SPIDR: variants seen among roughly 807,000 people sequenced by gnomAD.
SPIDR encodes the protein scaffold protein involved in DNA repair.
Under a neutral mutation model 104.6 loss-of-function variants are expected in SPIDR, and 93 were observed. The ratio of observed to expected loss-of-function variants is 0.89; its 90% CI spans 0.75 to 1.06. SPIDR has a LOEUF of 1.06. Among genes scored for constraint, SPIDR ranks in the 50% least tolerant of loss-of-function variants. The pLI, the probability that SPIDR is intolerant of heterozygous loss-of-function variation, is 0.00. For missense variants in SPIDR, 1,154 were observed against 1,111.2 expected (o/e 1.04, Z -0.55); for synonymous variants, 431 against 416.9 (o/e 1.03, Z -0.41).
chr8:47,530,135 A>G (rs967722090), intron 8 of SPIDR, among the ~76,000 whole-genome samples: 8 of 152,194 alleles, frequency 5.3e-5, no homozygotes, highest in Non-Finnish European at 1.0e-4. Context: ...AACTATACTG[A>G]ACACCATGGA....
In SPIDR at chr8:47,630,301, T is replaced by C. The variant is rs529290983; in HGVS notation, c.1544+31105T>C. ...CATGTAAAATATGATGAAAGCAATA[T>C]TTAATGTAAACGTTGAAAAGAGCAG... On this transcript the variant is annotated intron_variant, in intron 10 of 19. Transcript: ENST00000297423. 1.9e-4 allele frequency among the ~76,000 whole-genome samples: 29 copies of C among 152,288 alleles called. No individual in the cohort carries two copies. In the South Asian group the frequency reaches 6.0e-3, roughly 32 times the overall value.
rs200234212 is a variant in SPIDR, at chr8:47,326,387, AC to A, written c.525+32358del. ...TTGCTTTCAGCCTTGCCACGTACAT[AC>A]ACATCTTTAGCAACATCCAGTTTGT... On this transcript the variant is annotated intron_variant, in intron 5 of 19. Coordinates refer to ENST00000297423, the MANE Select transcript of SPIDR (RefSeq NM_001080394.4). Among the ~76,000 whole-genome samples the A allele has an allele frequency of 3.2e-4, 48 of 152,296 alleles. No homozygotes were observed. In the East Asian group the frequency reaches 6.6e-3, roughly 21 times the overall value.
In SPIDR at chr8:47,554,292, G is replaced by A. The variant is rs569910140; in HGVS notation, c.1098-41519G>A. Among the ~76,000 whole-genome samples, 20 of 152,308 alleles carry A rather than the reference G, an allele frequency of 1.3e-4. No homozygotes were observed. In the South Asian group the frequency reaches 2.9e-3, roughly 22 times the overall value. On this transcript the variant is annotated intron_variant, in intron 8 of 19. Coordinates refer to ENST00000297423, the MANE Select transcript of SPIDR (RefSeq NM_001080394.4). ...CTCTTCAAAGCTGTCAGACAGGTAC[G>A]TTTAAGTCTGCAGAAATTGGCTGCT...
intron 7 of SPIDR, among the ~76,000 whole-genome samples, chr8:47,426,470 T>G (rs2066437134): frequency 6.6e-6 from 1 of 152,212 alleles, no homozygotes; most frequent in Admixed American, 6.5e-5. Flanking sequence ...ACAAGTAGAT[T>G]ATCATCATTG....
At chr8:47,642,518 C>T (rs1441521315) in intron 10 of SPIDR, among the ~76,000 whole-genome samples, 1 of 152,148 alleles carries the variant, frequency 6.6e-6, no homozygotes, top group Non-Finnish European at 1.5e-5. Flanking sequence ...TCAAGACAGC[C>T]CGCTGACTTC....
At position 47,483,651 on chromosome 8, in the gene SPIDR, G is replaced by A. The variant is rs547752847; in HGVS notation, c.1097+43109G>A. On this transcript the variant is annotated intron_variant, in intron 8 of 19. Coordinates refer to ENST00000297423, the MANE Select transcript of SPIDR (RefSeq NM_001080394.4). The stretch of plus-strand genomic sequence containing the variant: ...GTATCATTCTCTTAACTCTGGGATA[G>A]GGATTCTGTGAAGGTTAATGTATGC... 2.6e-5 allele frequency among the ~76,000 whole-genome samples: 4 copies of A among 152,332 alleles called. No individual in the cohort carries two copies. In the South Asian group the frequency reaches 8.3e-4, roughly 32 times the overall value.
At chr8:47,680,871 GC>G (rs1383072723) in intron 11 of SPIDR, among the ~76,000 whole-genome samples, 2 of 152,214 alleles carry the variant, frequency 1.3e-5, no homozygotes, top group Non-Finnish European at 2.9e-5. Flanking sequence ...ACTTTGGGAG[GC>G]CGAGAGGCAG....
At chr8:47,517,520 C>A (rs916018399) in intron 8 of SPIDR, among the ~76,000 whole-genome samples, 3 of 152,026 alleles carry the variant, frequency 2.0e-5, no homozygotes, top group African/African-American at 7.3e-5. Context: ...TGGGCTTCTC[C>A]CTCATTAGCT....
intron 1 of SPIDR, among the ~76,000 whole-genome samples, chr8:47,264,498 G>A (rs2033425573): frequency 6.6e-6 from 1 of 152,036 alleles, no homozygotes; most frequent in Non-Finnish European, 1.5e-5. Context: ...AGTTTCTCCT[G>A]CCCTAGCCCC....
At chr8:47,683,520 T>C (rs1175609674) in intron 11 of SPIDR, among the ~76,000 whole-genome samples, 1 of 152,210 alleles carries the variant, frequency 6.6e-6, no homozygotes, top group Non-Finnish European at 1.5e-5. Flanking sequence ...CATAAACTTA[T>C]TTTCCCAGTA....
intron 1 of SPIDR, among the ~76,000 whole-genome samples, chr8:47,264,693 G>A (rs776984155): frequency 6.5e-4 from 99 of 151,284 alleles, no homozygotes; most frequent in Non-Finnish European, 1.2e-3. Context: ...GCAGTGGCCC[G>A]ATCTCGGCTC....
At chr8:47,537,688 A>G (rs1355499925) in intron 8 of SPIDR, among the ~76,000 whole-genome samples, 2 of 152,182 alleles carry the variant, frequency 1.3e-5, no homozygotes, top group African/African-American at 4.8e-5. Context: ...AGTGAACCCA[A>G]TGTAAACTAT....
At chr8:47,367,499 T>C (rs2057377667) in intron 5 of SPIDR, among the ~76,000 whole-genome samples, 1 of 152,226 alleles carries the variant, frequency 6.6e-6, no homozygotes, top group African/African-American at 2.4e-5. Context: ...CCACTAAGTT[T>C]GCGGTAATTT....
intron 15 of SPIDR, chr8:47,713,256 C>T (rs2082122026): frequency 1.6e-6 from 1 of 619,744 alleles, no homozygotes. Context: ...TCATAATTCA[C>T]ATGCCACATA....
At chr8:47,296,502 C>T (rs1325084035) in intron 5 of SPIDR, among the ~76,000 whole-genome samples, 2 of 152,158 alleles carry the variant, frequency 1.3e-5, no homozygotes, top group Non-Finnish European at 2.9e-5. Context: ...GTTTTCCCAG[C>T]ACAATTTATT....
At chr8:47,536,714 G>T (rs1038074249) in intron 8 of SPIDR, among the ~76,000 whole-genome samples, 3 of 152,230 alleles carry the variant, frequency 2.0e-5, no homozygotes, top group Non-Finnish European at 2.9e-5. Context: ...GTGACCAAAG[G>T]CACTATCTGT....
In SPIDR at chr8:47,479,307, C is replaced by T. The variant is rs560657574; in HGVS notation, c.1097+38765C>T. On this transcript the variant is annotated intron_variant, in intron 8 of 19. Transcript: ENST00000297423. Reference sequence around the variant, plus strand: ...CTGGGAGGCGGAGGCTGCAGTGAGCCGAGATTGCACCAGTGCACTCCAGCC... The same window carrying T: ...CTGGGAGGCGGAGGCTGCAGTGAGCTGAGATTGCACCAGTGCACTCCAGCC... Among the ~76,000 whole-genome samples, 37 of 149,248 alleles carry T rather than the reference C, an allele frequency of 2.5e-4. No individual in the cohort carries two copies. The East Asian group carries it at 7.1e-3, about 29-fold the overall frequency.
At chr8:47,506,582 C>A (rs1426630737) in intron 8 of SPIDR, among the ~76,000 whole-genome samples, 1 of 151,852 alleles carries the variant, frequency 6.6e-6, no homozygotes, top group Non-Finnish European at 1.5e-5. Context: ...AGTTAACATG[C>A]ATAAATATAT....
chr8:47,620,499 C>G (rs1337965135), intron 10 of SPIDR, among the ~76,000 whole-genome samples: 1 of 151,902 alleles, frequency 6.6e-6, no homozygotes, highest in Admixed American at 6.6e-5. Context: ...AACTCCTGAC[C>G]CCAGGTGATC....
Sources: allele counts gnomAD v4.1 joint callset (sites outside exome capture counted in the v4.1 genomes callset), GRCh38; gene constraint gnomAD v4.1.1; transcripts MANE v1.5; gene names NCBI Gene and HGNC (gene_info 2026-07-23, HGNC 2026-07-21).